Variants in GSE1 observed in about 807,000 individuals in gnomAD.
GSE1 encodes the protein genetic suppressor element 1.
A neutral mutation model predicts 112.6 loss-of-function variants in GSE1; 32 were observed. The ratio of observed to expected loss-of-function variants is 0.28; its 90% CI spans 0.21 to 0.38. The LOEUF is 0.38. GSE1 is among the 10% of genes least tolerant of loss of function. The pLI is 1.00. For synonymous variants in GSE1, 1,115 were observed against 735.6 expected (o/e 1.52, Z -8.35); for missense variants, 2,348 against 1,699.2 (o/e 1.38, Z -6.71).
intron 2 of GSE1, among the ~76,000 whole-genome samples, chr16:85,527,844 C>T (rs541146490): frequency 6.6e-6 from 1 of 152,336 alleles, no homozygotes; most frequent in South Asian, 2.1e-4. Context: ...GGAATGGGAA[C>T]AGAGTCAGGG....
intron 2 of GSE1, among the ~76,000 whole-genome samples, chr16:85,375,962 C>G (rs897377172): frequency 9.2e-5 from 14 of 152,186 alleles, no homozygotes; most frequent in African/African-American, 3.4e-4. Flanking sequence ...CCCAGGTGTG[C>G]CGGGGGCCTG....
chr16:85,503,201 C>T lies in GSE1; in HGVS notation c.2465-130713C>T, dbSNP rs962078084. The stretch of plus-strand genomic sequence containing the variant: ...GAGCCACTGACGGGATTAAGTGAGA[C>T]GCTGAAGCCAGGATTTCCATTCCCC... On this transcript the variant is annotated intron_variant, in intron 2 of 2. Coordinates refer to the GSE1 transcript ENST00000637419. 3.3e-5 allele frequency among the ~76,000 whole-genome samples: 5 copies of T among 152,228 alleles called. No individual in the cohort carries two copies. In the East Asian group the frequency reaches 5.8e-4, roughly 18 times the overall value.
intron 2 of GSE1, among the ~76,000 whole-genome samples, chr16:85,636,085 C>T (rs550779250): frequency 1.1e-4 from 17 of 152,364 alleles, no homozygotes; most frequent in African/African-American, 2.9e-4. Context: ...GCGCCCCTGG[C>T]GGGAGGCCAG....
chr16:85,446,174 C>G (rs1168182397), intron 2 of GSE1, among the ~76,000 whole-genome samples: 1 of 152,176 alleles, frequency 6.6e-6, no homozygotes, highest in Admixed American at 6.5e-5. Flanking sequence ...GGCCTCAGCT[C>G]TGCGACGTCG....
chr16:85,238,354 C>G (rs964596816), intron 1 of GSE1, among the ~76,000 whole-genome samples: 10 of 152,336 alleles, frequency 6.6e-5, no homozygotes, highest in Non-Finnish European at 1.5e-4. Flanking sequence ...CCAAGGCAGC[C>G]ATCCAAGGGG....
chr16:85,522,015 C>T (rs1201374372), intron 2 of GSE1, among the ~76,000 whole-genome samples: 4 of 152,212 alleles, frequency 2.6e-5, no homozygotes. Flanking sequence ...CCATGGGAAC[C>T]TCTCCAGAGC....
intron 1 of GSE1, among the ~76,000 whole-genome samples, chr16:85,246,819 C>T (rs1905901101): frequency 6.6e-6 from 1 of 152,128 alleles, no homozygotes; most frequent in Non-Finnish European, 1.5e-5. Flanking sequence ...TACTGAGCAC[C>T]AGAGGAAGGG....
intron 1 of GSE1, among the ~76,000 whole-genome samples, chr16:85,308,984 A>G (rs1055014290): frequency 5.3e-5 from 8 of 150,900 alleles, no homozygotes; most frequent in African/African-American, 9.8e-5. Flanking sequence ...ACAGGTCACA[A>G]GGACAGCCGT....
chr16:85,550,135 G>T (rs1263502776), intron 2 of GSE1, among the ~76,000 whole-genome samples: 1 of 152,180 alleles, frequency 6.6e-6, no homozygotes, highest in Non-Finnish European at 1.5e-5. Context: ...TAAGGAAACT[G>T]AGGGTCAAAA....
chr16:85,302,941 G>C lies in GSE1; in HGVS notation c.2284-54522G>C, dbSNP rs74902687. Among the ~76,000 whole-genome samples the C allele has an allele frequency of 1.8e-4, 28 of 152,334 alleles. No individual in the cohort carries two copies. In the East Asian group the frequency reaches 5.2e-3, roughly 28 times the overall value. On this transcript the variant is annotated intron_variant, in intron 1 of 2. Transcript: ENST00000637419. ...GTGGGTCTTCCACAAGGTGACTCGGGGTCCGGTTTCCCGGAGCCTCGGCCT... is the reference window on the plus strand; with the variant it reads ...GTGGGTCTTCCACAAGGTGACTCGGCGTCCGGTTTCCCGGAGCCTCGGCCT...
chr16:85,212,911 C>T (rs1383104390), intron 1 of GSE1, among the ~76,000 whole-genome samples: 2 of 151,984 alleles, frequency 1.3e-5, no homozygotes, highest in East Asian at 1.9e-4. Flanking sequence ...GAAGATCGCT[C>T]GAGCCCAGGA....
chr16:85,325,107 T>G (rs2046198526), intron 1 of GSE1, among the ~76,000 whole-genome samples: 1 of 152,188 alleles, frequency 6.6e-6, no homozygotes, highest in Non-Finnish European at 1.5e-5. Context: ...TAGCTGGGAC[T>G]ACAGGTGCAT....
At chr16:85,655,217 T>C (rs768762573) in intron 5 of GSE1, among the ~76,000 whole-genome samples, 1 of 152,208 alleles carries the variant, frequency 6.6e-6, no homozygotes, top group Admixed American at 6.5e-5. Flanking sequence ...ACTGTCATCC[T>C]TGGCTCCTCC....
At chr16:85,282,577 G>T (rs974033836) in intron 1 of GSE1, among the ~76,000 whole-genome samples, 1 of 152,240 alleles carries the variant, frequency 6.6e-6, no homozygotes, top group Non-Finnish European at 1.5e-5. Context: ...ATCCTGGACT[G>T]TTTGGTGACG....
At chr16:85,366,339 A>G (rs1325638050) in intron 2 of GSE1, among the ~76,000 whole-genome samples, 1 of 152,240 alleles carries the variant, frequency 6.6e-6, no homozygotes, top group Non-Finnish European at 1.5e-5. Context: ...CTGCTGCAGC[A>G]TGACTGCCTC....
chr16:85,630,554 C>T (rs911205031), intron 1 of GSE1, among the ~76,000 whole-genome samples: 11 of 152,208 alleles, frequency 7.2e-5, no homozygotes, highest in Non-Finnish European at 1.6e-4. Flanking sequence ...TGGCCTCACG[C>T]AGTCCTCCCA....
intron 2 of GSE1, among the ~76,000 whole-genome samples, chr16:85,395,645 G>A (rs188311394): frequency 1.3e-5 from 2 of 152,150 alleles, no homozygotes; most frequent in Non-Finnish European, 1.5e-5. Context: ...CAGGCCTCCC[G>A]AGAAAGCCCT....
intron 5 of GSE1, 82 bp from the exon 6 acceptor site, chr16:85,655,644 C>A: frequency 1.2e-6 from 1 of 863,412 alleles, no homozygotes; most frequent in Non-Finnish European, 1.8e-6. Context: ...GGTGTGTGTA[C>A]CTGGCTGAGA....
At chr16:85,342,184 C>T (rs1026777510) in intron 1 of GSE1, among the ~76,000 whole-genome samples, 5 of 152,152 alleles carry the variant, frequency 3.3e-5, no homozygotes, top group African/African-American at 9.7e-5. Context: ...TTCCATGATC[C>T]CGTGACAGAA....
Sources: gnomAD v4.1 joint callset for allele counts (sites outside exome capture counted in the v4.1 genomes callset) on GRCh38, gnomAD v4.1.1 for gene constraint, MANE v1.5 for transcripts, NCBI Gene and HGNC (gene_info 2026-07-23, HGNC 2026-07-21) for gene names.